SENP5: variants seen among roughly 807,000 people sequenced by gnomAD.
SENP5 encodes sentrin-specific protease 5.
In SENP5, 21 loss-of-function variants were observed where a neutral mutation model predicts 74.2. The observed-to-expected ratio is 0.28, with a 90% CI of 0.20 to 0.41. The LOEUF (loss-of-function observed/expected upper bound fraction) is 0.41, where lower values mean the gene tolerates loss of function less well. Ranked by LOEUF, SENP5 falls within the 10% of genes least tolerant of loss-of-function variation. The probability of loss-of-function intolerance (pLI) is 1.00; values close to 1 mark genes in which losing one functional copy is unlikely to be tolerated. For missense variants in SENP5, 717 were observed against 889.1 expected (o/e 0.81, Z 2.46); for synonymous variants, 311 against 312.7 (o/e 0.99, Z 0.06).
chr3:196,918,560 C>T (rs1207222760), intron 6 of SENP5, among the ~76,000 whole-genome samples: 1 of 151,442 alleles, frequency 6.6e-6, no homozygotes, highest in Non-Finnish European at 1.5e-5. Context: ...AACTATACTA[C>T]CAGAGAAAAT....
At chr3:196,869,102 A>T (rs946533733) in intron 1 of SENP5, among the ~76,000 whole-genome samples, 10 of 151,136 alleles carry the variant, frequency 6.6e-5, no homozygotes, top group African/African-American at 2.4e-4. Context: ...TTTGATCTTT[A>T]CTCAAGATAG....
intron 1 of SENP5, among the ~76,000 whole-genome samples, chr3:196,871,272 C>G (rs576705722): frequency 6.6e-6 from 1 of 152,148 alleles, no homozygotes; most frequent in Non-Finnish European, 1.5e-5. Flanking sequence ...ATAGCTGAAT[C>G]TCTAAAATTT....
At chr3:196,897,299 A>G (rs894896334) in intron 2 of SENP5, among the ~76,000 whole-genome samples, 2 of 152,204 alleles carry the variant, frequency 1.3e-5, no homozygotes, top group Non-Finnish European at 2.9e-5. Context: ...ATGATTAGGT[A>G]ACTGTAAGAT....
At chr3:196,889,650 C>G (rs1275061628) in intron 2 of SENP5, among the ~76,000 whole-genome samples, 1 of 152,184 alleles carries the variant, frequency 6.6e-6, no homozygotes, top group African/African-American at 2.4e-5. Context: ...CATGGACTCT[C>G]TTCTTCCTCC....
chr3:196,900,294 T>C, intron 4 of SENP5, 71 bp from the exon 5 acceptor site: 1 of 1,417,850 alleles, frequency 7.1e-7, no homozygotes, highest in Non-Finnish European at 9.8e-7. Context: ...GTTTTATTTA[T>C]TTATTTTGTT....
At chr3:196,921,417 A>G (rs1010954867) in intron 6 of SENP5, among the ~76,000 whole-genome samples, 3 of 152,164 alleles carry the variant, frequency 2.0e-5, no homozygotes, top group Non-Finnish European at 4.4e-5. Flanking sequence ...ATAAAGCTCT[A>G]TGTATGTCTA....
intron 9 of SENP5, among the ~76,000 whole-genome samples, chr3:196,929,987 T>A (rs59263562): frequency 0.011 from 1,516 of 136,350 alleles, 24 homozygotes; most frequent in African/African-American, 0.035. Context: ...GGCATTTGCA[T>A]AAAAAAAAAA....
chr3:196,925,145 A>G (rs1320745991), intron 7 of SENP5, among the ~76,000 whole-genome samples: 5 of 149,082 alleles, frequency 3.4e-5, no homozygotes. Context: ...TAATAGTTAA[A>G]GAGGATTTGG....
chr3:196,875,832 C>T (rs542564723), intron 1 of SENP5, among the ~76,000 whole-genome samples: 4 of 152,174 alleles, frequency 2.6e-5, no homozygotes, highest in African/African-American at 7.2e-5. Context: ...CATGCCCAAG[C>T]GATCCTTCCA....
chr3:196,907,107 G>A (rs2108843859), intron 6 of SENP5, among the ~76,000 whole-genome samples: 1 of 152,268 alleles, frequency 6.6e-6, no homozygotes, highest in South Asian at 2.1e-4. Context: ...AGGACAACTA[G>A]TAGAGGATTG....
chr3:196,894,651 A>C (rs1714365307), intron 2 of SENP5, among the ~76,000 whole-genome samples: 1 of 151,868 alleles, frequency 6.6e-6, no homozygotes, highest in African/African-American at 2.4e-5. Context: ...AATGCAACCT[A>C]CCACAGAGTC....
intron 2 of SENP5, among the ~76,000 whole-genome samples, chr3:196,888,810 A>G (rs1022726171): frequency 3.3e-5 from 5 of 151,974 alleles, no homozygotes; most frequent in African/African-American, 4.8e-5. Flanking sequence ...TCTCTTTCCA[A>G]CCATTAAGTA....
At chr3:196,870,932 A>C (rs2342067) in intron 1 of SENP5, among the ~76,000 whole-genome samples, 56,186 of 151,462 alleles carry the variant, frequency 0.37, 12,024 homozygotes, top group East Asian at 0.77. Context: ...GCACTTTGGG[A>C]GGCCGAGGCG....
In SENP5 at chr3:196,934,147, G is replaced by C. The variant is rs1716155459; in HGVS notation, c.*3224G>C. On this transcript the variant is annotated 3_prime_UTR_variant, in exon 10 of 10. Transcript: ENST00000323460. ...AGCCTCTTAAGAAAGGGAAAAAAAG[G>C]TGCTGCCAGTCATCCCCAAATTATG... 6.6e-6 allele frequency: 1 copy of C among 152,110 alleles called. No individual in the cohort carries two copies. The highest frequency in any genetic ancestry group is 2.4e-5 in the African/African-American group (1 of 41,410). The allele number at this position is 152,110 out of a possible 1,614,324, so 9.4% of individuals were successfully genotyped here. A position where few individuals can be genotyped will look rare whatever the true frequency, so the allele number is the denominator to read the frequency against.
intron 5 of SENP5, among the ~76,000 whole-genome samples, chr3:196,901,745 CTT>C (rs1714707181): frequency 6.6e-6 from 1 of 152,200 alleles, no homozygotes; most frequent in African/African-American, 2.4e-5. Context: ...GTCAAATTCT[CTT>C]AATCATCAGA....
chr3:196,885,667 A>G lies in SENP5; in HGVS notation c.486A>G (p.Gln162=), dbSNP rs1260546778. Residue 162 remains glutamine (Q), a synonymous_variant, in exon 2 of 10, where the codon CAA becomes CAG. Coordinates refer to ENST00000323460, the MANE Select transcript of SENP5 (RefSeq NM_152699.5). Reference sequence around the variant, plus strand: ...GTCACAGACCTAGGACAGACCCACAACCTTCTGACTTTCCCATGAAGTTCA... The same window carrying G: ...GTCACAGACCTAGGACAGACCCACAGCCTTCTGACTTTCCCATGAAGTTCA... The part of the protein sequence containing the change: ...ANGHRPRTDP[Q]PSDFPMKFNG... The G allele has an allele frequency of 1.2e-6, 2 of 1,614,230 alleles. No individual in the cohort carries two copies. The highest frequency in any genetic ancestry group is 1.3e-5 in the African/African-American group (1 of 75,076).
chr3:196,915,085 A>G (rs886593709), intron 6 of SENP5, among the ~76,000 whole-genome samples: 1 of 152,234 alleles, frequency 6.6e-6, no homozygotes, highest in African/African-American at 2.4e-5. Context: ...AGCGGTAGGA[A>G]CCTGAGTTGC....
chr3:196,893,799 A>T (rs1051690890), intron 2 of SENP5, among the ~76,000 whole-genome samples: 5 of 151,868 alleles, frequency 3.3e-5, no homozygotes, highest in African/African-American at 9.7e-5. Flanking sequence ...AGTCCCAGCT[A>T]CTTGGGAGGC....
In SENP5 at chr3:196,930,939, C is replaced by T; in HGVS notation, c.*16C>T. On this transcript the variant is annotated 3_prime_UTR_variant, in exon 10 of 10. Coordinates refer to ENST00000323460, the MANE Select transcript of SENP5 (RefSeq NM_152699.5). ...CATGGACTGAAACTCAGCAGGGACT[C>T]TGGGAAGTCTGACCAAGTTGGAGCA... The T allele has an allele frequency of 6.5e-7, 1 of 1,546,416 alleles. No homozygotes were observed. Among genetic ancestry groups the T allele is most frequent in the South Asian group, 1.1e-5 (1 of 89,678 alleles).
Sources: allele counts gnomAD v4.1 joint callset (sites outside exome capture counted in the v4.1 genomes callset), GRCh38; gene constraint gnomAD v4.1.1; transcripts MANE v1.5; gene names NCBI Gene and HGNC (gene_info 2026-07-23, HGNC 2026-07-21).